The following KSR2 variants were observed in gnomAD, a reference collection of about 807,000 sequenced individuals.
The protein encoded by KSR2 is kinase suppressor of ras 2.
In KSR2, 25 loss-of-function variants were observed where a neutral mutation model predicts 107.8. That is an observed-to-expected ratio of 0.23 (90% CI 0.17 to 0.32). The LOEUF is 0.32. Ranked by LOEUF, KSR2 falls within the 10% of genes least tolerant of loss-of-function variation. The probability of loss-of-function intolerance (pLI) is 1.00; values close to 1 mark genes in which losing one functional copy is unlikely to be tolerated. For missense variants in KSR2, 887 were observed against 1,268.9 expected, an observed-to-expected ratio of 0.70 and a Z score of 4.57; for synonymous variants, 480 against 507.0, an observed-to-expected ratio of 0.95 and a Z score of 0.71.
intron 4 of KSR2, among the ~76,000 whole-genome samples, chr12:117,696,099 G>T (rs1886047816): frequency 6.6e-6 from 1 of 152,126 alleles, no homozygotes; most frequent in Admixed American, 6.5e-5. Flanking sequence ...AGAGGTTCAG[G>T]ACTCCCCAAG....
chr12:117,579,755 T>TA (rs544194484), intron 6 of KSR2, among the ~76,000 whole-genome samples: 91 of 152,140 alleles, frequency 6.0e-4, no homozygotes, highest in African/African-American at 1.9e-3. Context: ...CCCCAAACCT[T>TA]AGTGGCAGAG....
intron 14 of KSR2, among the ~76,000 whole-genome samples, chr12:117,500,219 G>A (rs59673657): frequency 0.12 from 18,326 of 152,170 alleles, 2,145 homozygotes; most frequent in African/African-American, 0.31. Flanking sequence ...CCTTTCACAG[G>A]GGAGATGGAG....
At chr12:117,892,996 A>G (rs1047029178) in intron 1 of KSR2, among the ~76,000 whole-genome samples, 11 of 151,892 alleles carry the variant, frequency 7.2e-5, no homozygotes, top group African/African-American at 2.7e-4. Context: ...GAAGGGGGAA[A>G]CTGGGATGAG....
intron 1 of KSR2, among the ~76,000 whole-genome samples, chr12:117,877,326 G>GGC (rs1893887787): frequency 6.6e-6 from 1 of 151,986 alleles, no homozygotes; most frequent in African/African-American, 2.4e-5. Flanking sequence ...GACAGAGTAA[G>GGC]ACTCCATCTC....
intron 4 of KSR2, among the ~76,000 whole-genome samples, chr12:117,685,301 T>G (rs1223395922): frequency 6.6e-6 from 1 of 152,202 alleles, no homozygotes; most frequent in East Asian, 1.9e-4. Flanking sequence ...AGACCAAATA[T>G]TTACACAGGC....
At chr12:117,834,249 T>C (rs1892105961) in intron 3 of KSR2, among the ~76,000 whole-genome samples, 1 of 152,036 alleles carries the variant, frequency 6.6e-6, no homozygotes, top group African/African-American at 2.4e-5. Flanking sequence ...TAAATTCTGC[T>C]TCCACCCTCT....
At chr12:117,554,723 T>C (rs1313724989) in intron 9 of KSR2, among the ~76,000 whole-genome samples, 1 of 152,216 alleles carries the variant, frequency 6.6e-6, no homozygotes, top group Non-Finnish European at 1.5e-5. Context: ...GCCATGATTG[T>C]GAGGCCTCCC....
rs1871065835 is a variant in KSR2 at position 117,464,691 on chromosome 12, G to A, written c.*2508C>T. ...GAAGGCACTGAAGGCCAGGATCCTG[G>A]CCTGGCTGCAGCAGAGACCAATGCA... On this transcript the variant is annotated 3_prime_UTR_variant, in exon 20 of 20. Transcript: ENST00000339824. The A allele has an allele frequency of 6.6e-6, 1 of 152,338 alleles. No homozygotes were observed. Among genetic ancestry groups the A allele is most frequent in the African/African-American group, 2.4e-5 (1 of 41,442 alleles). The allele number at this position is 152,338 out of a possible 1,614,324, so 9.4% of individuals were successfully genotyped here. A position where few individuals can be genotyped will look rare whatever the true frequency, so the allele number is the denominator to read the frequency against.
chr12:117,869,267 G>T (rs988398825), intron 1 of KSR2, among the ~76,000 whole-genome samples: 24 of 152,040 alleles, frequency 1.6e-4, no homozygotes, highest in Non-Finnish European at 2.9e-4. Context: ...AGCTACTCAG[G>T]AGCCTGAGGT....
intron 4 of KSR2, among the ~76,000 whole-genome samples, chr12:117,717,691 GTGTGTGTGTGT>G (rs2136676463): frequency 6.9e-6 from 1 of 145,870 alleles, no homozygotes; most frequent in South Asian, 2.1e-4. Flanking sequence ...GTGTGTGTGT[GTGTGTGTGTGT>G]GTGTGTGTGT....
chr12:117,774,575 T>C (rs894571226), intron 3 of KSR2, among the ~76,000 whole-genome samples: 4 of 152,198 alleles, frequency 2.6e-5, no homozygotes, highest in Non-Finnish European at 5.9e-5. Context: ...CATGATTTTA[T>C]TACCCACCAA....
At chr12:117,527,282 C>CACACACACACACACACAG (rs1875241890) in intron 12 of KSR2, among the ~76,000 whole-genome samples, 163 bp from the exon 13 acceptor site, 10 of 112,390 alleles carry the variant, frequency 8.9e-5, no homozygotes, top group African/African-American at 4.4e-4. Flanking sequence ...ATAACCTCGA[C>CACACACACACACACACAG]ACACACACAC....
intron 14 of KSR2, among the ~76,000 whole-genome samples, chr12:117,495,216 T>G (rs569704680): frequency 1.3e-5 from 2 of 152,288 alleles, no homozygotes; most frequent in East Asian, 3.9e-4. Context: ...CAGTTAATTG[T>G]CCCATGCTCT....
At chr12:117,643,362 G>C (rs907679912) in intron 5 of KSR2, among the ~76,000 whole-genome samples, 1 of 152,086 alleles carries the variant, frequency 6.6e-6, no homozygotes, top group Non-Finnish European at 1.5e-5. Context: ...CAGGAGAATC[G>C]CTTGAATCTG....
At chr12:117,651,005 G>A (rs1198477025) in intron 5 of KSR2, among the ~76,000 whole-genome samples, 2 of 152,196 alleles carry the variant, frequency 1.3e-5, no homozygotes, top group Non-Finnish European at 2.9e-5. Flanking sequence ...CTGTTAAAGT[G>A]AGGGCATTGA....
intron 4 of KSR2, among the ~76,000 whole-genome samples, chr12:117,729,354 T>C (rs1306957834): frequency 6.6e-6 from 1 of 152,098 alleles, no homozygotes; most frequent in Non-Finnish European, 1.5e-5. Flanking sequence ...TGACAAATAT[T>C]AGTTGCATAC....
chr12:117,501,804 A>G (rs1873394888), intron 14 of KSR2, among the ~76,000 whole-genome samples: 1 of 152,202 alleles, frequency 6.6e-6, no homozygotes, highest in African/African-American at 2.4e-5. Flanking sequence ...CAGCCACACA[A>G]TCACTCAAAC....
chr12:117,865,764 G>T (rs1194955441), intron 1 of KSR2, among the ~76,000 whole-genome samples: 1 of 152,180 alleles, frequency 6.6e-6, no homozygotes, highest in Non-Finnish European at 1.5e-5. Flanking sequence ...AAGACCAGAA[G>T]TTAAATGGCA....
intron 3 of KSR2, among the ~76,000 whole-genome samples, chr12:117,795,322 C>A (rs187198469): frequency 4.4e-4 from 67 of 152,312 alleles, no homozygotes; most frequent in Non-Finnish European, 7.3e-4. Context: ...ATGGTGTCAC[C>A]TTCCTGGCGA....
Sources: allele counts gnomAD v4.1 joint callset (sites outside exome capture counted in the v4.1 genomes callset), GRCh38; gene constraint gnomAD v4.1.1; transcripts MANE v1.5; gene names NCBI Gene and HGNC (gene_info 2026-07-23, HGNC 2026-07-21).